Variants in ULK4 observed in about 807,000 individuals in gnomAD.
ULK4 encodes the protein unc-51 like kinase 4.
Under a neutral mutation model 160.6 loss-of-function variants are expected in ULK4, and 133 were observed. That is an observed-to-expected ratio of 0.83 (90% confidence interval 0.72 to 0.96). ULK4 has a LOEUF of 0.96. ULK4 is among the 40% of genes least tolerant of loss of function. The pLI is 0.00. For missense variants in ULK4, 1,580 were observed against 1,499.5 expected (o/e 1.05, Z -0.89); for synonymous variants, 534 against 539.8 (o/e 0.99, Z 0.15).
At chr3:41,858,144 T>TTG (rs376880863) in intron 17 of ULK4, among the ~76,000 whole-genome samples, 14 of 70,844 alleles carry the variant, frequency 2.0e-4, no homozygotes, top group African/African-American at 3.5e-4. Flanking sequence ...GTTTTTTTTG[T>TTG]TTGTTTTTTT....
At chr3:41,545,584 A>T (rs1015943122) in intron 32 of ULK4, among the ~76,000 whole-genome samples, 1 of 152,084 alleles carries the variant, frequency 6.6e-6, no homozygotes, top group Non-Finnish European at 1.5e-5. Flanking sequence ...TAGGAGTTTG[A>T]CTATCGTGTG....
chr3:41,437,186 C>A (rs1344908894), intron 34 of ULK4, among the ~76,000 whole-genome samples: 1 of 152,120 alleles, frequency 6.6e-6, no homozygotes, highest in East Asian at 1.9e-4. Context: ...ATAACAGCTA[C>A]TATGAGAAAC....
chr3:41,276,762 A>C (rs558001809), intron 35 of ULK4, among the ~76,000 whole-genome samples: 2 of 152,240 alleles, frequency 1.3e-5, no homozygotes, highest in Non-Finnish European at 2.9e-5. Flanking sequence ...AACTCAAAGA[A>C]ACTGGGCAAA....
intron 30 of ULK4, among the ~76,000 whole-genome samples, chr3:41,646,326 G>C (rs1472483585): frequency 6.6e-6 from 1 of 152,176 alleles, no homozygotes; most frequent in Admixed American, 6.6e-5. Flanking sequence ...TGCAGCGACT[G>C]GTACTGGTTG....
At chr3:41,528,854 A>C (rs2086205493) in intron 32 of ULK4, among the ~76,000 whole-genome samples, 1 of 152,030 alleles carries the variant, frequency 6.6e-6, no homozygotes, top group African/African-American at 2.4e-5. Flanking sequence ...GAAAGAAGGC[A>C]TATCCTTACA....
chr3:41,594,460 C>T (rs907481548), intron 31 of ULK4, among the ~76,000 whole-genome samples: 1 of 152,030 alleles, frequency 6.6e-6, no homozygotes, highest in African/African-American at 2.4e-5. Flanking sequence ...GGATCTCAAG[C>T]CCAGGAGTTC....
At chr3:41,393,008 A>C (rs2081987534) in intron 35 of ULK4, among the ~76,000 whole-genome samples, 1 of 152,154 alleles carries the variant, frequency 6.6e-6, no homozygotes, top group South Asian at 2.1e-4. Context: ...CAGTCTTCAG[A>C]AACTTGGCAG....
chr3:41,557,740 G>A (rs1213524619), intron 32 of ULK4, among the ~76,000 whole-genome samples: 2 of 151,840 alleles, frequency 1.3e-5, no homozygotes, highest in Non-Finnish European at 2.9e-5. Flanking sequence ...ACTCCAGCCT[G>A]GGTAACACAA....
chr3:41,774,940 GAAACCATC>G (rs1410280180), intron 21 of ULK4, among the ~76,000 whole-genome samples: 1 of 150,336 alleles, frequency 6.7e-6, no homozygotes, highest in African/African-American at 2.5e-5. Flanking sequence ...GATGAAGCTG[GAAACCATC>G]ATTCTCAGTA....
At chr3:41,852,727 A>T (rs1284086378) in intron 17 of ULK4, among the ~76,000 whole-genome samples, 2 of 152,080 alleles carry the variant, frequency 1.3e-5, no homozygotes, top group East Asian at 3.9e-4. Flanking sequence ...GATGTGCTAA[A>T]CTCTTGGTGA....
intron 35 of ULK4, among the ~76,000 whole-genome samples, chr3:41,267,687 G>A (rs2079067483): frequency 6.6e-6 from 1 of 152,108 alleles, no homozygotes; most frequent in Non-Finnish European, 1.5e-5. Flanking sequence ...GACTCTTAGA[G>A]CCTAATTTGA....
intron 8 of ULK4, 164 bp from the exon 9 acceptor site, chr3:41,913,063 TAGAC>T (rs1698844598): frequency 1.7e-6 from 1 of 583,314 alleles, no homozygotes; most frequent in African/African-American, 1.9e-5. Flanking sequence ...TAACCTCTTT[TAGAC>T]AGCAAGATAA....
chr3:41,572,780 A>G (rs1016113678), intron 31 of ULK4, among the ~76,000 whole-genome samples: 3 of 151,088 alleles, frequency 2.0e-5, no homozygotes, highest in Non-Finnish European at 4.4e-5. Flanking sequence ...AAAAAAAAAA[A>G]AAGATATATA....
rs527539128 is a variant in ULK4, at chr3:41,391,321, T to C, written c.3678+6758A>G. On this transcript the variant is annotated intron_variant, in intron 35 of 36. Coordinates refer to ENST00000301831, the MANE Select transcript of ULK4 (RefSeq NM_017886.4). ...ATCTTCTAAAAAACCAGATTGCATA[T>C]AAAATTGATTGAATTTACTTTTAAC... Among the ~76,000 whole-genome samples, 161 of 152,210 alleles carry C rather than the reference T, an allele frequency of 1.1e-3. 1 individual carries two copies. The highest frequency in any genetic ancestry group is 2.0e-3 in the Non-Finnish European group (136 of 68,004).
At chr3:41,806,079 C>T (rs1354713548) in intron 19 of ULK4, among the ~76,000 whole-genome samples, 1 of 145,612 alleles carries the variant, frequency 6.9e-6, no homozygotes, top group Non-Finnish European at 1.5e-5. Flanking sequence ...CTCCTTGTAC[C>T]TCTGGTAGAA....
intron 32 of ULK4, among the ~76,000 whole-genome samples, chr3:41,552,296 A>G (rs2077577253): frequency 6.6e-6 from 1 of 152,086 alleles, no homozygotes; most frequent in Non-Finnish European, 1.5e-5. Flanking sequence ...AAAAGCATCC[A>G]AACAGGAAAA....
At chr3:41,477,358 T>A (rs1027336945) in intron 32 of ULK4, among the ~76,000 whole-genome samples, 1 of 152,232 alleles carries the variant, frequency 6.6e-6, no homozygotes, top group Non-Finnish European at 1.5e-5. Flanking sequence ...TACTTTGAAT[T>A]TCCAAGCTTT....
intron 30 of ULK4, among the ~76,000 whole-genome samples, chr3:41,647,508 GA>G (rs2034555219): frequency 6.6e-6 from 1 of 152,190 alleles, no homozygotes; most frequent in Non-Finnish European, 1.5e-5. Flanking sequence ...CAGAACAGCG[GA>G]TTTTCGCGAA....
chr3:41,645,482 T>A (rs1406854579), intron 30 of ULK4, among the ~76,000 whole-genome samples: 1 of 135,042 alleles, frequency 7.4e-6, no homozygotes, highest in South Asian at 2.1e-4. Flanking sequence ...GGTTGTTCAG[T>A]TCCATGTAGT....
Sources: allele counts gnomAD v4.1 joint callset (sites outside exome capture counted in the v4.1 genomes callset), GRCh38; gene constraint gnomAD v4.1.1; transcripts MANE v1.5; gene names NCBI Gene and HGNC (gene_info 2026-07-23, HGNC 2026-07-21).